The following FER variants were observed in gnomAD, a reference collection of about 807,000 sequenced individuals.
FER encodes tyrosine-protein kinase Fer.
FER carries 63 observed loss-of-function variants against 111.0 expected under a neutral mutation model. The observed-to-expected ratio is 0.57, with a 90% confidence interval of 0.46 to 0.70. The LOEUF is 0.70. FER is among the 30% of genes least tolerant of loss of function. FER has a pLI of 0.00. For synonymous variants in FER, 327 were observed against 313.9 expected, an observed-to-expected ratio of 1.04 and a Z score of -0.44; for missense variants, 914 against 954.0, an observed-to-expected ratio of 0.96 and a Z score of 0.55.
intron 2 of FER, among the ~76,000 whole-genome samples, chr5:108,771,804 C>T (rs948487369): frequency 1.3e-5 from 2 of 152,138 alleles, no homozygotes; most frequent in African/African-American, 4.8e-5. Flanking sequence ...AAACTTTTAG[C>T]ATGCAGATCC....
chr5:108,879,701 A>AAAAAAAATATATATATATATATATATAT, intron 8 of FER, among the ~76,000 whole-genome samples: 2 of 99,094 alleles, frequency 2.0e-5, no homozygotes, highest in Admixed American at 9.8e-5. Flanking sequence ...ATTAAAAAAA[A>AAAAAAAATATATATATATATATATATAT]ATATATATAT....
At chr5:108,874,520 G>C (rs1041901170) in intron 8 of FER, among the ~76,000 whole-genome samples, 4 of 152,048 alleles carry the variant, frequency 2.6e-5, no homozygotes, top group South Asian at 2.1e-4. Context: ...GAGTTATTCA[G>C]CATCTCTGTT....
At chr5:109,015,470 C>T (rs1766952884) in intron 13 of FER, among the ~76,000 whole-genome samples, 1 of 151,832 alleles carries the variant, frequency 6.6e-6, no homozygotes, top group Non-Finnish European at 1.5e-5. Flanking sequence ...TAACTGAATG[C>T]CCATTATGTG....
intron 13 of FER, among the ~76,000 whole-genome samples, chr5:109,022,998 T>C (rs1768135034): frequency 6.6e-6 from 1 of 152,156 alleles, no homozygotes; most frequent in Admixed American, 6.6e-5. Context: ...GGTTCTTAAT[T>C]ACATCTTTTT....
intron 18 of FER, among the ~76,000 whole-genome samples, chr5:109,181,929 G>A (rs909984993): frequency 2.6e-5 from 4 of 152,092 alleles, no homozygotes; most frequent in African/African-American, 9.7e-5. Flanking sequence ...TTGTCCCCTA[G>A]TAGCCACCAA....
intron 2 of FER, among the ~76,000 whole-genome samples, chr5:108,773,838 C>T (rs867792241): frequency 2.6e-5 from 4 of 152,236 alleles, no homozygotes; most frequent in South Asian, 2.1e-4. Flanking sequence ...CATTTTTCTC[C>T]ACAACCTCAC....
At chr5:108,763,955 C>G (rs1235906956) in intron 1 of FER, among the ~76,000 whole-genome samples, 1 of 152,200 alleles carries the variant, frequency 6.6e-6, no homozygotes, top group Non-Finnish European at 1.5e-5. Flanking sequence ...TGAAAGATGA[C>G]TTTCCTTCCT....
intron 6 of FER, 58 bp downstream of exon 6, chr5:108,868,008 TTC>T: frequency 6.6e-7 from 1 of 1,509,318 alleles, no homozygotes; most frequent in Non-Finnish European, 9.0e-7. Context: ...TCAACATATT[TTC>T]TCTCTAGTTT....
At chr5:109,066,596 G>A (rs1775118626) in intron 16 of FER, among the ~76,000 whole-genome samples, 1 of 151,954 alleles carries the variant, frequency 6.6e-6, no homozygotes, top group Non-Finnish European at 1.5e-5. Context: ...AATAAACCCA[G>A]GAGATGCAAC....
chr5:109,050,198 A>C (rs1040225543), intron 16 of FER, among the ~76,000 whole-genome samples: 2 of 100,492 alleles, frequency 2.0e-5, no homozygotes, highest in African/African-American at 6.6e-5. Context: ...GCTATATCCT[A>C]AAAAAAAGAG....
At chr5:109,156,841 A>C (rs1755450156) in intron 17 of FER, among the ~76,000 whole-genome samples, 1 of 152,084 alleles carries the variant, frequency 6.6e-6, no homozygotes, top group African/African-American at 2.4e-5. Flanking sequence ...TCAATAAAGT[A>C]ATGGGGGCAA....
intron 3 of FER, among the ~76,000 whole-genome samples, chr5:108,832,041 A>T (rs531094330): frequency 6.6e-6 from 1 of 152,034 alleles, no homozygotes; most frequent in South Asian, 2.1e-4. Flanking sequence ...AGCAGTTTCC[A>T]TATGCCCACT....
intron 9 of FER, among the ~76,000 whole-genome samples, chr5:108,891,229 GTTGTT>G (rs1040042198): frequency 3.3e-5 from 5 of 151,940 alleles, no homozygotes; most frequent in Non-Finnish European, 7.4e-5. Flanking sequence ...TGGATGTTTG[GTTGTT>G]TTGTTTTGTT....
At chr5:108,780,498 G>A (rs1753944035) in intron 2 of FER, among the ~76,000 whole-genome samples, 1 of 151,428 alleles carries the variant, frequency 6.6e-6, no homozygotes, top group Non-Finnish European at 1.5e-5. Flanking sequence ...TTTGCTCTTT[G>A]ATAGGTAATG....
At chr5:108,914,917 A>G (rs541497772) in intron 10 of FER, among the ~76,000 whole-genome samples, 1 of 152,306 alleles carries the variant, frequency 6.6e-6, no homozygotes, top group Non-Finnish European at 1.5e-5. Flanking sequence ...AGAAGAACTC[A>G]TTTCTTTTCT....
At chr5:109,026,226 G>C (rs1408397283) in intron 13 of FER, among the ~76,000 whole-genome samples, 1 of 151,992 alleles carries the variant, frequency 6.6e-6, no homozygotes, top group East Asian at 1.9e-4. Flanking sequence ...ACACATACAA[G>C]AACTATTTTA....
intron 13 of FER, among the ~76,000 whole-genome samples, chr5:109,003,860 G>T (rs1240533015): frequency 2.0e-5 from 3 of 152,030 alleles, no homozygotes; most frequent in Non-Finnish European, 4.4e-5. Context: ...CACACCTGTA[G>T]TCCAAGCTAC....
intron 16 of FER, among the ~76,000 whole-genome samples, chr5:109,064,161 C>A (rs1774797024): frequency 6.6e-6 from 1 of 152,140 alleles, no homozygotes; most frequent in Admixed American, 6.6e-5. Context: ...TTTAAACTGG[C>A]CATTCCTGCA....
chr5:108,780,917 T>G (rs1754001749), intron 2 of FER, among the ~76,000 whole-genome samples: 1 of 152,138 alleles, frequency 6.6e-6, no homozygotes, highest in African/African-American at 2.4e-5. Context: ...TCCAGTCTAC[T>G]AGACTGAGCC....
Sources: allele counts gnomAD v4.1 joint callset (sites outside exome capture counted in the v4.1 genomes callset), GRCh38; gene constraint gnomAD v4.1.1; transcripts MANE v1.5; gene names NCBI Gene and HGNC (gene_info 2026-07-23, HGNC 2026-07-21).